The following LIMS2 variants were observed in gnomAD, a reference collection of about 807,000 sequenced individuals.
LIMS2 encodes LIM zinc finger domain containing 2.
LIMS2 carries 30 observed loss-of-function variants against 45.3 expected under a neutral mutation model. That is an observed-to-expected ratio of 0.66 (90% confidence interval 0.50 to 0.90). The LOEUF (loss-of-function observed/expected upper bound fraction) is 0.90, where lower values mean the gene tolerates loss of function less well. Ranked by LOEUF, LIMS2 falls within the 40% of genes least tolerant of loss-of-function variation. LIMS2 has a pLI of 0.00. For synonymous variants in LIMS2, 173 were observed against 188.0 expected (o/e 0.92, Z 0.65); for missense variants, 485 against 468.7 (o/e 1.03, Z -0.32).
chr2:127,654,995 G>A (rs569094937), intron 2 of LIMS2, 99 bp from the exon 3 acceptor site: 1 of 1,114,130 alleles, frequency 9.0e-7, no homozygotes, highest in East Asian at 2.6e-5. Flanking sequence ...AGGGGATGAG[G>A]CACTGAGGCA....
At chr2:127,640,185 T>G in intron 8 of LIMS2, 40 bp from the exon 9 acceptor site, 1 of 1,612,400 alleles carries the variant, frequency 6.2e-7, no homozygotes, top group South Asian at 1.1e-5. Context: ...CTGGCTAGGC[T>G]GCCGCAGGCC....
chr2:127,652,543 G>C (rs1460791945), intron 4 of LIMS2: 1 of 166,834 alleles, frequency 6.0e-6, no homozygotes, highest in South Asian at 2.1e-4. Context: ...CTCTCCGCCT[G>C]AGCTATTTCC....
In LIMS2 at chr2:127,647,916, G is replaced by T. The variant is rs920964355; in HGVS notation, c.360-4844C>A. On this transcript the variant is annotated intron_variant, in intron 4 of 9. Coordinates refer to ENST00000355119, the MANE Select transcript of LIMS2 (RefSeq NM_001161403.3). The surrounding 1 kb of genome is among the most constrained non-coding windows in gnomAD (Gnocchi z 4.3). ...GCTCCCTGTTCTCCCCTGCCTCACA[G>T]GCCCTGTCAAGGGCTGTGTTCCTCC... The T allele has an allele frequency of 3.1e-6, 2 of 652,800 alleles. No homozygotes were observed. The highest frequency in any genetic ancestry group is 3.8e-6 in the Non-Finnish European group (2 of 525,512). The allele number at this position is 652,800 out of a possible 1,614,324, so 40.4% of individuals were successfully genotyped here.
intron 6 of LIMS2, chr2:127,641,313 C>A: frequency 3.7e-6 from 1 of 272,252 alleles, no homozygotes; most frequent in Non-Finnish European, 7.3e-6. Flanking sequence ...CAGCCTCAGC[C>A]CCAGGAGTCA....
At chr2:127,639,977 A>C (rs1247800211) in intron 9 of LIMS2, 93 bp downstream of exon 9, 1 of 1,334,606 alleles carries the variant, frequency 7.5e-7, no homozygotes, top group Non-Finnish European at 1.1e-6. Flanking sequence ...TCCCCAGGCC[A>C]GACTCAGCTG....
Position 127,643,030 on chromosome 2 carries a change from GC to G in LIMS2, c.401del (p.Gly134AlafsTer40). The G allele has an allele frequency of 6.3e-7, 1 of 1,588,296 alleles. No homozygotes were observed. Reference sequence around the variant, plus strand: ...ACCGCTGGCAGATGTACTTGCCCAGGCCCTTGGCCTTCTCACGGTTGTGGCA... The same window carrying G: ...ACCGCTGGCAGATGTACTTGCCCAGGCCTTGGCCTTCTCACGGTTGTGGCA... ...RPCHNREKAK[G>X]LGKYICQRCH... On this transcript the variant is annotated frameshift_variant, in exon 5 of 10. Coordinates refer to ENST00000355119, the MANE Select transcript of LIMS2 (RefSeq NM_001161403.3). LOFTEE classifies it high-confidence loss of function.
At chr2:127,679,080 C>G (rs1274183559), upstream of LIMS2, among the ~76,000 whole-genome samples, 2 of 152,118 alleles carry the variant, frequency 1.3e-5, no homozygotes, top group Non-Finnish European at 2.9e-5. The surrounding 1 kb of genome is among the most constrained non-coding windows in gnomAD (Gnocchi z 5.3). Flanking sequence ...AGGTGCGCCA[C>G]TGCCCCGTGT....
In LIMS2 at chr2:127,664,904, C is replaced by T. The variant is rs983724558; in HGVS notation, c.12-7342G>A. Among the ~76,000 whole-genome samples the T allele has an allele frequency of 7.2e-5, 11 of 152,210 alleles. No individual in the cohort carries two copies. Among genetic ancestry groups the T allele is most frequent in the Admixed American group, 3.9e-4 (6 of 15,280 alleles). On this transcript the variant is annotated intron_variant, in intron 1 of 9. Transcript: ENST00000355119. The surrounding 1 kb of genome is among the most constrained non-coding windows in gnomAD (Gnocchi z 5.5). ...TTCTGCTTTGCTCCCTTCTCTGAGA[C>T]CCTCTGCCACAAACATCACCGTGGG... is the stretch of plus-strand genomic sequence containing the variant.
chr2:127,660,884 G>C (rs538467367), intron 1 of LIMS2, among the ~76,000 whole-genome samples: 1 of 143,154 alleles, frequency 7.0e-6, no homozygotes, highest in East Asian at 2.2e-4. Flanking sequence ...GATCATTGCT[G>C]CCTGTGGCCG....
At chr2:127,651,805 C>T (rs1354633379) in intron 4 of LIMS2, 2 of 1,549,550 alleles carry the variant, frequency 1.3e-6, no homozygotes, top group African/African-American at 1.4e-5. Flanking sequence ...ACTCAGCAGA[C>T]CCAGCAAGAG....
rs779776978 is a variant in LIMS2 at position 127,671,420 on chromosome 2, G to A, written c.11+3594C>T. On this transcript the variant is annotated intron_variant, in intron 1 of 9. Coordinates refer to ENST00000355119, the MANE Select transcript of LIMS2 (RefSeq NM_001161403.3). The surrounding 1 kb of genome is among the most constrained non-coding windows in gnomAD (Gnocchi z 4.1). Reference sequence around the variant, plus strand: ...TGCACTCCAGCTTGGGTGACAGAGCGAGACTCCATCTCAAAAAAAAAAAAA... The same window carrying A: ...TGCACTCCAGCTTGGGTGACAGAGCAAGACTCCATCTCAAAAAAAAAAAAA... 1.3e-5 allele frequency among the ~76,000 whole-genome samples: 2 copies of A among 148,970 alleles called. No individual in the cohort carries two copies. Among genetic ancestry groups the A allele is most frequent in the Non-Finnish European group, 3.0e-5 (2 of 67,576 alleles).
upstream of LIMS2, among the ~76,000 whole-genome samples, chr2:127,676,433 C>CG (rs1277457871): frequency 9.6e-6 from 1 of 104,200 alleles, no homozygotes; most frequent in Non-Finnish European, 1.7e-5. Flanking sequence ...TTTTTTGAGA[C>CG]GGAGTTTCGC....
chr2:127,642,218 C>A lies in LIMS2; in HGVS notation c.510-19G>T, dbSNP rs371948120. On this transcript the variant is annotated intron_variant, in intron 5 of 9. Transcript: ENST00000355119. The surrounding 1 kb of genome is among the most constrained non-coding windows in gnomAD (Gnocchi z 5.3). The stretch of plus-strand genomic sequence containing the variant: ...CTCCTTCCTGGAAGACAGCGTGCAG[C>A]CCCCAGGTGCCACCCCTGCCCTTCT... The A allele has an allele frequency of 6.6e-7, 1 of 1,510,712 alleles. No homozygotes were observed. The highest frequency in any genetic ancestry group is 8.9e-7 in the Non-Finnish European group (1 of 1,123,416). The allele number at this position is 1,510,712 out of a possible 1,614,324, so 93.6% of individuals were successfully genotyped here. A position where few individuals can be genotyped will look rare whatever the true frequency, so the allele number is the denominator to read the frequency against.
upstream of LIMS2, among the ~76,000 whole-genome samples, chr2:127,676,278 C>T (rs979915699): frequency 1.3e-5 from 2 of 152,130 alleles, no homozygotes; most frequent in African/African-American, 4.8e-5. Context: ...AATTAGCAAC[C>T]CACAAATAAA....
chr2:127,640,956 G>T lies in LIMS2; in HGVS notation c.693C>A (p.Phe231Leu), dbSNP rs776426139. Residue 231 changes from phenylalanine to leucine, a missense_variant, in exon 7 of 10, where the codon TTC becomes TTA. By Grantham distance (22) the Phe-to-Leu change is conservative. Coordinates refer to ENST00000355119, the MANE Select transcript of LIMS2 (RefSeq NM_001161403.3). Reference sequence around the variant, plus strand: ...TCTTCTCATAGTGCCGGTGCCCCAGGAATGGCTTCTCACACTTGGCACAGA... The same window carrying T: ...TCTTCTCATAGTGCCGGTGCCCCAGTAATGGCTTCTCACACTTGGCACAGA... ...HFVCAKCEKP[F>L]LGHRHYEKKG... The T allele has an allele frequency of 6.2e-7, 1 of 1,613,958 alleles. No individual in the cohort carries two copies. Among genetic ancestry groups the T allele is most frequent in the Non-Finnish European group, 8.5e-7 (1 of 1,179,940 alleles).
At chr2:127,661,114 T>C (rs971896446) in intron 1 of LIMS2, among the ~76,000 whole-genome samples, 4 of 152,136 alleles carry the variant, frequency 2.6e-5, no homozygotes, top group African/African-American at 9.7e-5. Flanking sequence ...GCTTCCTGAC[T>C]CCTGCAGGGG....
In LIMS2 at chr2:127,643,088, G is replaced by A. The variant is rs1053954263; in HGVS notation, c.360-16C>T. 2 of 1,556,024 alleles carry A rather than the reference G, an allele frequency of 1.3e-6. No individual in the cohort carries two copies. Among genetic ancestry groups the A allele is most frequent in the African/African-American group, 2.7e-5 (2 of 73,706 alleles). On this transcript the variant is annotated splice_polypyrimidine_tract_variant and intron_variant, in intron 4 of 9. Coordinates refer to ENST00000355119, the MANE Select transcript of LIMS2 (RefSeq NM_001161403.3). Reference sequence around the variant, plus strand: ...GCAGAGATGCCTGCGGGAGGCGGGGGCATTAGGGGCAGAGCCCCCACTCCC... The same window carrying A: ...GCAGAGATGCCTGCGGGAGGCGGGGACATTAGGGGCAGAGCCCCCACTCCC...
At position 127,640,962 on chromosome 2, in the gene LIMS2, C is replaced by T; in HGVS notation, c.687G>A (p.Lys229=). The T allele has an allele frequency of 6.2e-7, 1 of 1,613,906 alleles. No individual in the cohort carries two copies. Among genetic ancestry groups the T allele is most frequent in the South Asian group, 1.1e-5 (1 of 91,088 alleles). The change falls in exon 7 of 10, where the codon AAG becomes AAA. Residue 229 remains lysine (K), a synonymous_variant. Transcript: ENST00000355119. ...VEHFVCAKCE[K]PFLGHRHYEK... ...CATAGTGCCGGTGCCCCAGGAATGG[C>T]TTCTCACACTTGGCACAGACAAAGT...
chr2:127,641,463 G>A (rs182462217), intron 6 of LIMS2: 1 of 178,250 alleles, frequency 5.6e-6, no homozygotes, highest in Admixed American at 5.4e-5. Flanking sequence ...GGATCTGCAT[G>A]TGAGGATGAG....
Sources: gnomAD v4.1 joint callset for allele counts (sites outside exome capture counted in the v4.1 genomes callset) on GRCh38, gnomAD v4.1.1 for gene constraint, Gnocchi (gnomAD v3.1) non-coding constraint, MANE v1.5 for transcripts, NCBI Gene and HGNC (gene_info 2026-07-23, HGNC 2026-07-21) for gene names.